The following SRRM4 variants were observed in gnomAD, a reference collection of about 807,000 sequenced individuals.
The protein encoded by SRRM4 is serine/arginine repetitive matrix protein 4.
In SRRM4, 33 loss-of-function variants were observed where a neutral mutation model predicts 68.9. The observed-to-expected ratio is 0.48, with a 90% CI of 0.36 to 0.64. SRRM4 has a LOEUF of 0.64. Among genes scored for constraint, SRRM4 ranks in the 30% least tolerant of loss-of-function variants. SRRM4 has a pLI of 0.00. For synonymous variants in SRRM4, 318 were observed against 318.8 expected (o/e 1.00, Z 0.03); for missense variants, 817 against 827.1 (o/e 0.99, Z 0.15).
At chr12:119,091,999 T>C (rs1954017014) in intron 1 of SRRM4, among the ~76,000 whole-genome samples, 1 of 152,224 alleles carries the variant, frequency 6.6e-6, no homozygotes, top group South Asian at 2.1e-4. Context: ...AATGAGTGAA[T>C]GAATAGCTGA....
At chr12:119,015,547 T>C (rs1426879680) in intron 1 of SRRM4, among the ~76,000 whole-genome samples, 1 of 152,190 alleles carries the variant, frequency 6.6e-6, no homozygotes, top group Admixed American at 6.5e-5. Context: ...CCCTTCTACA[T>C]GCTCTTGCCT....
intron 1 of SRRM4, among the ~76,000 whole-genome samples, chr12:119,035,182 T>C (rs1356374435): frequency 6.6e-6 from 1 of 151,902 alleles, no homozygotes; most frequent in African/African-American, 2.4e-5. Context: ...GAATATTACC[T>C]TCTTTAACTA....
Position 119,153,586 on chromosome 12 carries a change from G to C in SRRM4, c.1328G>C (p.Ser443Thr). The C allele has an allele frequency of 6.3e-7, 1 of 1,576,624 alleles. No homozygotes were observed. The highest frequency in any genetic ancestry group is 8.6e-7 in the Non-Finnish European group (1 of 1,162,076). ...PSYSSKSGKR[S>T]PPSRSSRSRR... Reference sequence around the variant, plus strand: ...TATTCCTCCAAGTCTGGCAAGAGGAGCCCGCCCAGCAGAAGCTCTAGGTCC... The same window carrying C: ...TATTCCTCCAAGTCTGGCAAGAGGACCCCGCCCAGCAGAAGCTCTAGGTCC... Residue 443 changes from serine (S) to threonine (T), a missense_variant, in exon 11 of 13, where the codon AGC becomes ACC. Physicochemically the swap from Ser to Thr is moderately conservative, Grantham distance 58. Coordinates refer to ENST00000267260, the MANE Select transcript of SRRM4 (RefSeq NM_194286.4).
At chr12:119,041,181 A>G (rs138386236) in intron 1 of SRRM4, among the ~76,000 whole-genome samples, 141 of 152,298 alleles carry the variant, frequency 9.3e-4, no homozygotes, top group African/African-American at 3.3e-3. Flanking sequence ...TGAGGAAACC[A>G]AGGCACAGAG....
At chr12:119,032,241 G>T (rs376440446) in intron 1 of SRRM4, among the ~76,000 whole-genome samples, 1 of 152,132 alleles carries the variant, frequency 6.6e-6, no homozygotes, top group East Asian at 1.9e-4. Context: ...GGGAAGGATG[G>T]TGTGTGGAAA....
At chr12:119,005,312 G>A (rs775912973) in intron 1 of SRRM4, among the ~76,000 whole-genome samples, 10 of 152,348 alleles carry the variant, frequency 6.6e-5, no homozygotes, top group Non-Finnish European at 1.0e-4. Context: ...CCTCTGAGAC[G>A]ATAAATGGAA....
At chr12:119,054,864 A>G (rs76700674) in intron 1 of SRRM4, among the ~76,000 whole-genome samples, 3,313 of 152,306 alleles carry the variant, frequency 0.022, 127 homozygotes, top group African/African-American at 0.076. Flanking sequence ...AGCAAAGGAC[A>G]GTTTCTTCCT....
chr12:119,030,997 A>G (rs1016641405), intron 1 of SRRM4: 4 of 152,204 alleles, frequency 2.6e-5, no homozygotes, highest in African/African-American at 9.7e-5. Context: ...GTAAATCCTT[A>G]TACACTAGAT....
chr12:119,056,206 C>T (rs1039230447), intron 1 of SRRM4, among the ~76,000 whole-genome samples: 1 of 152,214 alleles, frequency 6.6e-6, no homozygotes, highest in African/African-American at 2.4e-5. Flanking sequence ...AATAGCTCAG[C>T]TTTGTCTAAG....
At chr12:118,984,716 C>A (rs1324199529) in intron 1 of SRRM4, among the ~76,000 whole-genome samples, 1 of 152,180 alleles carries the variant, frequency 6.6e-6, no homozygotes, top group African/African-American at 2.4e-5. Flanking sequence ...TTCTCCTCTA[C>A]CCCTCTGTGG....
intron 1 of SRRM4, among the ~76,000 whole-genome samples, chr12:119,041,366 A>T (rs1260662268): frequency 6.6e-6 from 1 of 152,238 alleles, no homozygotes; most frequent in Non-Finnish European, 1.5e-5. Flanking sequence ...TCCAATGAGG[A>T]TAATATGCCT....
intron 3 of SRRM4, among the ~76,000 whole-genome samples, chr12:119,114,852 G>A (rs1300381418): frequency 1.3e-5 from 2 of 151,816 alleles, no homozygotes; most frequent in African/African-American, 2.4e-5. Flanking sequence ...TTTTAGTAGA[G>A]ACAGAATTTC....
chr12:119,101,908 T>C (rs1202669086), intron 1 of SRRM4, among the ~76,000 whole-genome samples: 1 of 152,196 alleles, frequency 6.6e-6, no homozygotes, highest in African/African-American at 2.4e-5. Flanking sequence ...TGGTTTAACC[T>C]AATTTCAGTT....
intron 1 of SRRM4, among the ~76,000 whole-genome samples, chr12:119,041,994 T>A (rs532801742): frequency 6.6e-6 from 1 of 152,166 alleles, no homozygotes; most frequent in East Asian, 1.9e-4. Context: ...GAAACTTTAA[T>A]GTCATTTGCG....
At chr12:118,986,771 A>G (rs1953284742) in intron 1 of SRRM4, among the ~76,000 whole-genome samples, 1 of 152,054 alleles carries the variant, frequency 6.6e-6, no homozygotes, top group Non-Finnish European at 1.5e-5. Context: ...TACCTCCACC[A>G]CTGCTCCAGG....
In SRRM4 at chr12:119,106,123, C is replaced by T. The variant is rs554164114; in HGVS notation, c.278+3741C>T. ...TTGTCAAAGATCAAATGGTTGTAGA[C>T]GTGTGTGTTATTTCTGAGGGCTCTG... On this transcript the variant is annotated intron_variant, in intron 2 of 12. Coordinates refer to ENST00000267260, the MANE Select transcript of SRRM4 (RefSeq NM_194286.4). 3.7e-3 allele frequency among the ~76,000 whole-genome samples: 562 copies of T among 152,138 alleles called. 5 individuals are homozygous for T. Among genetic ancestry groups the T allele is most frequent in the African/African-American group, 0.012 (502 of 41,520 alleles).
At chr12:119,100,562 T>A (rs765614898) in intron 1 of SRRM4, among the ~76,000 whole-genome samples, 5 of 152,182 alleles carry the variant, frequency 3.3e-5, no homozygotes, top group Non-Finnish European at 7.3e-5. Context: ...CCATCTAGAA[T>A]GTAAACATTC....
chr12:119,026,389 G>A (rs1437739918), intron 1 of SRRM4, among the ~76,000 whole-genome samples: 1 of 151,850 alleles, frequency 6.6e-6, no homozygotes, highest in African/African-American at 2.4e-5. Flanking sequence ...TCCTGTATGT[G>A]AGCGGTAAGA....
intron 5 of SRRM4, 109 bp from the exon 6 acceptor site, chr12:119,121,961 C>A: frequency 1.4e-6 from 1 of 733,932 alleles, no homozygotes; most frequent in South Asian, 1.5e-5. Context: ...TGATCAGTGT[C>A]CATTCCAAAA....
Sources: allele counts gnomAD v4.1 joint callset (sites outside exome capture counted in the v4.1 genomes callset), GRCh38; gene constraint gnomAD v4.1.1; transcripts MANE v1.5; gene names NCBI Gene and HGNC (gene_info 2026-07-23, HGNC 2026-07-21).